The following CD8B2 variants were observed in gnomAD, a reference collection of about 807,000 sequenced individuals.
The protein encoded by CD8B2 is T-cell surface glycoprotein CD8 beta-2 chain.
CD8B2 carries 11 observed loss-of-function variants against 23.7 expected under a neutral mutation model. That is an observed-to-expected ratio of 0.46 (90% confidence interval 0.29 to 0.77). CD8B2 has a LOEUF of 0.77. Among genes scored for constraint, CD8B2 ranks in the 30% least tolerant of loss-of-function variants. The probability of loss-of-function intolerance (pLI) is 0.09; values close to 1 mark genes in which losing one functional copy is unlikely to be tolerated. For synonymous variants in CD8B2, 90 were observed against 109.3 expected (o/e 0.82, Z 1.10); for missense variants, 197 against 270.5 (o/e 0.73, Z 1.91).
chr2:106,515,725 T>A (rs529260811), downstream of CD8B2, among the ~76,000 whole-genome samples: 38 of 152,272 alleles, frequency 2.5e-4, no homozygotes, highest in East Asian at 7.2e-3. Context: ...TACACCCCCA[T>A]GTCTGGAGGG....
At chr2:106,522,941 A>C (rs969817240) in intron 5 of CD8B2, among the ~76,000 whole-genome samples, 2 of 152,098 alleles carry the variant, frequency 1.3e-5, no homozygotes, top group Non-Finnish European at 2.9e-5. Context: ...GCACCCAGGA[A>C]CTTAGAGACC....
chr2:106,493,044 C>T (rs529024110), intron 2 of CD8B2, among the ~76,000 whole-genome samples: 153 of 152,200 alleles, frequency 1.0e-3, no homozygotes, highest in African/African-American at 3.5e-3. Flanking sequence ...CCATCCCAAC[C>T]GCACTCACTC....
downstream of CD8B2, among the ~76,000 whole-genome samples, chr2:106,514,660 T>C (rs1679699453): frequency 6.6e-6 from 1 of 151,524 alleles, no homozygotes; most frequent in African/African-American, 2.4e-5. Context: ...CTATCCCACG[T>C]TTGAGCCTGG....
intron 2 of CD8B2, among the ~76,000 whole-genome samples, chr2:106,493,188 C>G (rs1041714758): frequency 2.6e-5 from 4 of 152,140 alleles, no homozygotes; most frequent in African/African-American, 9.7e-5. Flanking sequence ...GAGCCGAACC[C>G]CACCTTCTCA....
chr2:106,519,153 A>G (rs557015722), intron 5 of CD8B2, among the ~76,000 whole-genome samples: 2 of 152,246 alleles, frequency 1.3e-5, no homozygotes, highest in Non-Finnish European at 2.9e-5. Flanking sequence ...CACTTACAAC[A>G]ATAAGATTAC....
intron 5 of CD8B2, among the ~76,000 whole-genome samples, chr2:106,538,601 G>C (rs1680126689): frequency 6.6e-6 from 1 of 152,126 alleles, no homozygotes; most frequent in Non-Finnish European, 1.5e-5. Context: ...GCAGTGTCCT[G>C]AGTAGGAATT....
intron 2 of CD8B2, among the ~76,000 whole-genome samples, chr2:106,491,738 G>A (rs1280992675): frequency 2.4e-4 from 37 of 152,110 alleles, no homozygotes; most frequent in East Asian, 7.7e-4. Context: ...TAGTGGAGAC[G>A]AGATTTCACC....
chr2:106,514,628 T>C (rs1679698590), downstream of CD8B2, among the ~76,000 whole-genome samples: 1 of 151,792 alleles, frequency 6.6e-6, no homozygotes, highest in South Asian at 2.1e-4. Context: ...CATTGTGACA[T>C]ACAGGGCTGT....
At chr2:106,536,252 G>A (rs1326815470) in intron 5 of CD8B2, among the ~76,000 whole-genome samples, 2 of 151,924 alleles carry the variant, frequency 1.3e-5, no homozygotes, top group Non-Finnish European at 2.9e-5. Flanking sequence ...GGCTGGTCTC[G>A]AACTCCTGAC....
chr2:106,519,988 TC>T (rs1399481197), intron 5 of CD8B2, among the ~76,000 whole-genome samples: 1 of 152,030 alleles, frequency 6.6e-6, no homozygotes, highest in African/African-American at 2.4e-5. Context: ...ATCCATCACC[TC>T]AGGAAAGCCC....
rs1679546713 is a variant in CD8B2 at position 106,508,027 on chromosome 2, C to T, written c.*1087C>T. The T allele has an allele frequency of 6.7e-6, 1 of 149,462 alleles. No individual in the cohort carries two copies. The highest frequency in any genetic ancestry group is 1.5e-5 in the Non-Finnish European group (1 of 67,460). 9.3% of individuals were successfully genotyped at this position (149,462 alleles called of 1,614,324 possible). ...CTTCATTTTCTTATTGATTCTTAGC[C>T]TTGACAGTTGGAGAAGGAAAAAGCA... is the stretch of plus-strand genomic sequence containing the variant. On this transcript the variant is annotated 3_prime_UTR_variant, in exon 6 of 6. Transcript: ENST00000643224.
At chr2:106,494,107 C>T (rs1679249683) in intron 2 of CD8B2, among the ~76,000 whole-genome samples, 1 of 151,888 alleles carries the variant, frequency 6.6e-6, no homozygotes, top group Admixed American at 6.6e-5. Context: ...CCAAAAATGA[C>T]TGATCTGTGG....
intron 5 of CD8B2, among the ~76,000 whole-genome samples, chr2:106,524,010 A>G (rs1679870219): frequency 6.6e-6 from 1 of 152,194 alleles, no homozygotes; most frequent in South Asian, 2.1e-4. Flanking sequence ...TGTAAATATC[A>G]GTTCTCTTAG....
intron 5 of CD8B2, among the ~76,000 whole-genome samples, chr2:106,539,294 G>A (rs1207761749): frequency 8.5e-5 from 13 of 152,208 alleles, no homozygotes; most frequent in African/African-American, 2.7e-4. Flanking sequence ...CACAGGGCAA[G>A]CTCCTTATAA....
At position 106,510,921 on chromosome 2, in the gene CD8B2, T is replaced by G. The variant is rs767974843; in HGVS notation, c.*3981T>G. 6.6e-6 allele frequency: 1 copy of G among 152,224 alleles called. No individual in the cohort carries two copies. The highest frequency in any genetic ancestry group is 1.5e-5 in the Non-Finnish European group (1 of 68,046). 9.4% of individuals were successfully genotyped at this position (152,224 alleles called of 1,614,324 possible). On this transcript the variant is annotated 3_prime_UTR_variant, in exon 6 of 6. Transcript: ENST00000643224. ...ATCAAGGCCTCCGGGTATATTTGTT[T>G]GTATATGTACAGGAAAAGGTCTGTA...
At chr2:106,502,616 T>A in intron 4 of CD8B2, 53 bp downstream of exon 4, 1 of 964,152 alleles carries the variant, frequency 1.0e-6, no homozygotes, top group Non-Finnish European at 1.5e-6. Flanking sequence ...GTTTGAAGTG[T>A]CCCTGGGATA....
At chr2:106,541,611 C>T (rs1680175550) in intron 5 of CD8B2, among the ~76,000 whole-genome samples, 1 of 152,126 alleles carries the variant, frequency 6.6e-6, no homozygotes, top group Admixed American at 6.5e-5. Flanking sequence ...AAGATGCGAC[C>T]TGTTAGTGGA....
intron 1 of CD8B2, among the ~76,000 whole-genome samples, 184 bp from the exon 2 acceptor site, chr2:106,490,689 TG>T (rs1679177147): frequency 6.6e-6 from 1 of 152,262 alleles, no homozygotes; most frequent in African/African-American, 2.4e-5. Context: ...GATGATCTCC[TG>T]GGAGGTGGGG....
chr2:106,529,072 G>A (rs1023104583), intron 5 of CD8B2, among the ~76,000 whole-genome samples: 29 of 152,330 alleles, frequency 1.9e-4, no homozygotes, highest in African/African-American at 7.0e-4. Flanking sequence ...ACAGGCAGCA[G>A]CTCCCTTGGA....
Sources: gnomAD v4.1 joint callset for allele counts (sites outside exome capture counted in the v4.1 genomes callset) on GRCh38, gnomAD v4.1.1 for gene constraint, MANE v1.5 for transcripts, NCBI Gene and HGNC (gene_info 2026-07-23, HGNC 2026-07-21) for gene names.